The following STRADA variants were observed in gnomAD, a reference collection of about 807,000 sequenced individuals.
STRADA encodes the protein STE20 related adaptor alpha, also known as STE20-related kinase adapter protein alpha.
Under a neutral mutation model 55.0 loss-of-function variants are expected in STRADA, and 26 were observed. The ratio of observed to expected loss-of-function variants is 0.47; its 90% CI spans 0.35 to 0.66. The LOEUF (loss-of-function observed/expected upper bound fraction) is 0.66, where lower values mean the gene tolerates loss of function less well. Among genes scored for constraint, STRADA ranks in the 30% least tolerant of loss-of-function variants. The probability of loss-of-function intolerance (pLI) is 0.01; values close to 1 mark genes in which losing one functional copy is unlikely to be tolerated. For missense variants in STRADA, 443 were observed against 549.7 expected, an observed-to-expected ratio of 0.81 and a Z score of 1.94; for synonymous variants, 197 against 210.9, an observed-to-expected ratio of 0.93 and a Z score of 0.57.
intron 4 of STRADA, among the ~76,000 whole-genome samples, chr17:63,722,627 G>T (rs1056843803): frequency 3.9e-5 from 6 of 152,212 alleles, no homozygotes; most frequent in African/African-American, 1.4e-4. Context: ...GCAAATGTCT[G>T]CAATCTGAAC....
intron 1 of STRADA, chr17:63,741,277 C>T (rs1169347846): frequency 2.0e-5 from 3 of 152,240 alleles, no homozygotes; most frequent in East Asian, 1.9e-4. Context: ...AGACAATGAG[C>T]TCTTCGTTTA....
intron 1 of STRADA, among the ~76,000 whole-genome samples, chr17:63,735,142 G>A (rs560872061): frequency 2.0e-5 from 3 of 152,280 alleles, no homozygotes; most frequent in South Asian, 2.1e-4. Flanking sequence ...GGGTGACAGA[G>A]CGAGACTCTG....
At chr17:63,706,016 CA>C (rs1225156687) in intron 10 of STRADA, 1 of 152,284 alleles carries the variant, frequency 6.6e-6, no homozygotes, top group East Asian at 1.9e-4. Flanking sequence ...TTCCAGACCA[CA>C]CTCCAAGTAG....
rs375390478 is a variant in STRADA at position 63,738,108 on chromosome 17, C to T, written c.-45+3633G>A. On this transcript the variant is annotated intron_variant, in intron 1 of 12. Transcript: ENST00000336174. ...TTATAATCCCAGCACCTTGGGAGGCCGAGGCGGGCAGATCACAAGGTCAGG... is the reference window on the plus strand; with the variant it reads ...TTATAATCCCAGCACCTTGGGAGGCTGAGGCGGGCAGATCACAAGGTCAGG... Among the ~76,000 whole-genome samples, 88 of 151,622 alleles carry T rather than the reference C, an allele frequency of 5.8e-4. 1 individual carries two copies. In the South Asian group the frequency reaches 0.016, roughly 28 times the overall value.
At chr17:63,740,135 C>CAA in intron 1 of STRADA, among the ~76,000 whole-genome samples, 5 of 54,218 alleles carry the variant, frequency 9.2e-5, no homozygotes, top group South Asian at 1.2e-3. Flanking sequence ...TATACACATA[C>CAA]ATATATATAT....
chr17:63,710,535 C>A lies in STRADA; in HGVS notation c.537G>T (p.Val179=), dbSNP rs1472304275. The A allele has an allele frequency of 5.0e-6, 8 of 1,613,854 alleles. No homozygotes were observed. Among genetic ancestry groups the A allele is most frequent in the Non-Finnish European group, 6.8e-6 (8 of 1,179,882 alleles). The change falls in exon 8 of 13, where the codon GTG becomes GTT. Residue 179 remains valine (V), a synonymous_variant. Coordinates refer to ENST00000336174, the MANE Select transcript of STRADA (RefSeq NM_001003787.4). ...ELAIAYILQG[V]LKALDYIHHM... ...GGTGGATGTAGTCGAGGGCCTTCAGCACCCCCTGCAGGATGTAAGCAATCG... is the reference window on the plus strand; with the variant it reads ...GGTGGATGTAGTCGAGGGCCTTCAGAACCCCCTGCAGGATGTAAGCAATCG...
chr17:63,740,178 A>G (rs1044703633), intron 1 of STRADA, among the ~76,000 whole-genome samples: 1 of 145,320 alleles, frequency 6.9e-6, no homozygotes, highest in African/African-American at 2.6e-5. Context: ...ACACACACAC[A>G]CACACAACAA....
chr17:63,735,582 CCT>C (rs1283364214), intron 1 of STRADA, among the ~76,000 whole-genome samples: 3 of 152,150 alleles, frequency 2.0e-5, no homozygotes, highest in African/African-American at 4.8e-5. Flanking sequence ...TAGAATCTCA[CCT>C]CTCTCCCAAG....
At position 63,707,375 on chromosome 17, in the gene STRADA, C is replaced by A. The variant is rs1455191414; in HGVS notation, c.625G>T (p.Val209Phe). Residue 209 changes from valine (V) to phenylalanine (F), a missense_variant, in exon 9 of 13, where the codon GTC becomes TTC. Val to Phe is a conservative substitution (Grantham distance 50). Transcript: ENST00000336174. ...SHILISVDGK[V>F]YLSGLRSNLS... ...TTGCTGCGCAAACCAGACAGGTAGACCTTCCCATCCACAGAGATCAGGATG... is the reference window on the plus strand; with the variant it reads ...TTGCTGCGCAAACCAGACAGGTAGAACTTCCCATCCACAGAGATCAGGATG... 1 of 1,614,152 alleles carries A rather than the reference C, an allele frequency of 6.2e-7. No individual in the cohort carries two copies. The highest frequency in any genetic ancestry group is 8.5e-7 in the Non-Finnish European group (1 of 1,180,044).
chr17:63,720,592 G>A (rs1007073662), intron 4 of STRADA, among the ~76,000 whole-genome samples: 2 of 151,594 alleles, frequency 1.3e-5, no homozygotes, highest in African/African-American at 4.8e-5. Context: ...GGCCAACACA[G>A]TGAAACCCTG....
intron 1 of STRADA, among the ~76,000 whole-genome samples, chr17:63,732,122 C>T (rs570382717): frequency 6.6e-6 from 1 of 152,160 alleles, no homozygotes; most frequent in Admixed American, 6.5e-5. Flanking sequence ...CCCGCCTCGG[C>T]CTCCCAAAGT....
rs751571199 is a variant in STRADA at position 63,703,741 on chromosome 17, C to T, written c.1154G>A (p.Arg385His). The change falls in exon 13 of 13, where the codon CGT becomes CAT. Residue 385 changes from arginine (R) to histidine (H), a missense_variant. Arg to His is a conservative substitution (Grantham distance 29, BLOSUM62 0). Transcript: ENST00000336174. ...CAATTCGGGCAAAGCCTCTGAGGCA[C>T]GTCGCTTGATCTGGGGGAGAAGAGA... ...NHSFFKQIKR[R>H]ASEALPELLR... The T allele has an allele frequency of 5.6e-6, 9 of 1,613,944 alleles. No individual in the cohort carries two copies. Among genetic ancestry groups the T allele is most frequent in the East Asian group, 2.2e-5 (1 of 44,888 alleles).
At chr17:63,706,918 C>T (rs2036129817) in intron 9 of STRADA, among the ~76,000 whole-genome samples, 179 bp from the exon 10 acceptor site, 1 of 152,224 alleles carries the variant, frequency 6.6e-6, no homozygotes, top group Admixed American at 6.5e-5. Flanking sequence ...TGGCGATGCT[C>T]TGTAAGGAGC....
chr17:63,736,355 C>T (rs772543900), intron 1 of STRADA, among the ~76,000 whole-genome samples: 1 of 151,348 alleles, frequency 6.6e-6, no homozygotes, highest in Non-Finnish European at 1.5e-5. Context: ...CAGCCGGGCG[C>T]GGTGGCTCAC....
intron 1 of STRADA, among the ~76,000 whole-genome samples, chr17:63,736,430 C>A (rs1357105244): frequency 1.3e-5 from 2 of 151,610 alleles, no homozygotes; most frequent in African/African-American, 2.4e-5. Flanking sequence ...GAGTTTGAGA[C>A]CAGCCTGCCC....
intron 8 of STRADA, among the ~76,000 whole-genome samples, chr17:63,709,767 T>C (rs886245690): frequency 4.6e-5 from 7 of 152,220 alleles, no homozygotes; most frequent in Non-Finnish European, 1.0e-4. Flanking sequence ...GGTCCAGTTT[T>C]ACCATTTTCC....
intron 4 of STRADA, among the ~76,000 whole-genome samples, chr17:63,722,414 C>T (rs1232981581): frequency 6.6e-6 from 1 of 152,128 alleles, no homozygotes; most frequent in Non-Finnish European, 1.5e-5. Context: ...ATATAAAAAT[C>T]CTATGTAATT....
intron 1 of STRADA, among the ~76,000 whole-genome samples, chr17:63,732,655 C>A (rs541409556): frequency 2.0e-5 from 3 of 152,168 alleles, no homozygotes; most frequent in South Asian, 2.1e-4. Context: ...ATTAGCCAGG[C>A]ATGGTGGCAT....
intron 4 of STRADA, among the ~76,000 whole-genome samples, chr17:63,721,615 G>C (rs1400436123): frequency 1.3e-5 from 2 of 151,306 alleles, no homozygotes; most frequent in Non-Finnish European, 2.9e-5. Flanking sequence ...TCGGGAGGTT[G>C]AGGCAGGAGA....
Sources: gnomAD v4.1 joint callset for allele counts (sites outside exome capture counted in the v4.1 genomes callset) on GRCh38, gnomAD v4.1.1 for gene constraint, MANE v1.5 for transcripts, NCBI Gene and HGNC (gene_info 2026-07-23, HGNC 2026-07-21) for gene names.